Variants in POLDIP3 observed in about 807,000 individuals in gnomAD.
POLDIP3 encodes the protein DNA polymerase delta interacting protein 3.
Under a neutral mutation model 45.1 loss-of-function variants are expected in POLDIP3, and 14 were observed. That is an observed-to-expected ratio of 0.31 (90% CI 0.20 to 0.49). POLDIP3 has a LOEUF of 0.49. Among genes scored for constraint, POLDIP3 ranks in the 20% least tolerant of loss-of-function variants. POLDIP3 has a pLI of 0.99. For synonymous variants in POLDIP3, 223 were observed against 205.2 expected (o/e 1.09, Z -0.74); for missense variants, 511 against 538.8 (o/e 0.95, Z 0.51).
At position 42,595,435 on chromosome 22, in the gene POLDIP3, C is replaced by G. The variant is rs1925925470; in HGVS notation, c.891+102G>C. 1.8e-5 allele frequency: 18 copies of G among 1,005,640 alleles called. 3 individuals are homozygous for G. In the South Asian group the frequency reaches 2.2e-4, roughly 13 times the overall value. 62.3% of individuals were successfully genotyped at this position (1,005,640 alleles called of 1,614,324 possible). A position where few individuals can be genotyped will look rare whatever the true frequency, so the allele number is the denominator to read the frequency against. ...CCCTGAGCGTGACTATATGCTGAGT[C>G]TGGTGAGTCCTAGCAGTCATCAAAC... On this transcript the variant is annotated intron_variant, in intron 6 of 8. Transcript: ENST00000252115.
intron 4 of POLDIP3, chr22:42,597,766 C>G (rs1178428132): frequency 2.2e-6 from 1 of 462,284 alleles, no homozygotes; most frequent in Non-Finnish European, 4.4e-6. Context: ...TGGCATCATT[C>G]AGCTTCACGA....
intron 1 of POLDIP3, among the ~76,000 whole-genome samples, chr22:42,613,751 A>G (rs907923432): frequency 2.6e-5 from 4 of 151,996 alleles, no homozygotes; most frequent in Non-Finnish European, 4.4e-5. Flanking sequence ...ACAGAGCAAC[A>G]CCCCGTCTCA....
At position 42,601,963 on chromosome 22, in the gene POLDIP3, A is replaced by C; in HGVS notation, c.537+7T>G. 6.2e-7 allele frequency: 1 copy of C among 1,612,230 alleles called. No homozygotes were observed. The highest frequency in any genetic ancestry group is 8.5e-7 in the Non-Finnish European group (1 of 1,179,180). On this transcript the variant is annotated splice_region_variant and intron_variant, in intron 3 of 8. Transcript: ENST00000252115. ...TTCTCTCTCTCTCTCTCACTCACTC[A>C]CTCTACCTGTTTGGCCTGGTGGTTA...
At chr22:42,588,567 T>TA (rs919577465) in intron 7 of POLDIP3, among the ~76,000 whole-genome samples, 45 of 145,204 alleles carry the variant, frequency 3.1e-4, no homozygotes, top group East Asian at 1.6e-3. Flanking sequence ...TGAATTCAAA[T>TA]AAAAAAAAAA....
chr22:42,592,222 G>A (rs146421108), intron 6 of POLDIP3, 138 bp from the exon 7 acceptor site: 18 of 1,268,026 alleles, frequency 1.4e-5, no homozygotes, highest in Non-Finnish European at 2.0e-5. Context: ...GAGGCTCCAC[G>A]CGAGGTGGTG....
At chr22:42,591,776 G>A (rs947311798) in intron 7 of POLDIP3, among the ~76,000 whole-genome samples, 179 bp downstream of exon 7, 1 of 152,178 alleles carries the variant, frequency 6.6e-6, no homozygotes, top group African/African-American at 2.4e-5. Context: ...TGAAAATCCA[G>A]GGCCCTGTGT....
chr22:42,598,249 ATTTTTTT>A (rs34265457), intron 4 of POLDIP3, among the ~76,000 whole-genome samples: 5 of 90,842 alleles, frequency 5.5e-5, no homozygotes, highest in East Asian at 2.9e-4. Flanking sequence ...CACCCCGGAT[ATTTTTTT>A]TTTTTTTTTT....
intron 5 of POLDIP3, 118 bp downstream of exon 5, chr22:42,596,068 C>G (rs765282732): frequency 6.0e-6 from 7 of 1,167,020 alleles, no homozygotes; most frequent in Non-Finnish European, 8.6e-6. Flanking sequence ...GTTTGCTCAT[C>G]TGTAGAATGG....
intron 4 of POLDIP3, among the ~76,000 whole-genome samples, chr22:42,597,904 C>T (rs1211241089): frequency 5.9e-5 from 9 of 151,400 alleles, no homozygotes; most frequent in Non-Finnish European, 1.5e-5. Context: ...CTCAGCCTCC[C>T]GAGCAGCTGG....
rs572654489 is a variant in POLDIP3, at chr22:42,586,002, T to C, written c.1089-34A>G. Reference sequence around the variant, plus strand: ...AGCAGAGAAGAGTCAAAAATTCTTGTCAGTTTTTCCTTAGATGGGGAGGGG... The same window carrying C: ...AGCAGAGAAGAGTCAAAAATTCTTGCCAGTTTTTCCTTAGATGGGGAGGGG... On this transcript the variant is annotated intron_variant, in intron 8 of 8. Coordinates refer to ENST00000252115, the MANE Select transcript of POLDIP3 (RefSeq NM_032311.5). 3.9e-6 allele frequency: 6 copies of C among 1,553,262 alleles called. No individual in the cohort carries two copies. The African/African-American group carries it at 4.1e-5, about 11-fold the overall frequency.
intron 2 of POLDIP3, among the ~76,000 whole-genome samples, chr22:42,602,523 C>T (rs973458577): frequency 1.3e-5 from 2 of 152,142 alleles, no homozygotes; most frequent in Admixed American, 6.5e-5. Context: ...ACCAGTATCT[C>T]ACCTGGGAAA....
Position 42,596,270 on chromosome 22 carries a change from G to A in POLDIP3, c.729C>T (p.Ser243=), listed in dbSNP as rs772086042. Residue 243 remains serine, a synonymous_variant, in exon 5 of 9, where the codon TCC becomes TCT. Coordinates refer to ENST00000252115, the MANE Select transcript of POLDIP3 (RefSeq NM_032311.5). The part of the protein sequence containing the change: ...NDAYTAPALP[S]SIRTKALTNM... ...TGGTCAAGGCTTTTGTTCGAATAGAGGAAGGGAGAGCAGGAGCTGTGTATG... is the reference window on the plus strand; with the variant it reads ...TGGTCAAGGCTTTTGTTCGAATAGAAGAAGGGAGAGCAGGAGCTGTGTATG... The A allele has an allele frequency of 1.1e-5, 17 of 1,614,092 alleles. No homozygotes were observed. The South Asian group carries it at 1.6e-4, about 16-fold the overall frequency.
chr22:42,605,126 AGTTTTGTTTT>A (rs201420055), intron 1 of POLDIP3, among the ~76,000 whole-genome samples: 4 of 152,002 alleles, frequency 2.6e-5, no homozygotes, highest in Admixed American at 2.0e-4. Context: ...TCTTTTCTTC[AGTTTTGTTTT>A]GTTTTGTTTG....
chr22:42,614,824 T>G lies in POLDIP3; in HGVS notation c.34A>C (p.Lys12Gln). ...ADISLDELIR[K>Q]RGAAAKGRLN... The stretch of plus-strand genomic sequence containing the variant: ...CGTCCTTTCGCCGCCGCCCCGCGCT[T>G]CCTGATGAGTTCGTCCAGGGAGATG... The change falls in exon 1 of 9, where the codon AAG becomes CAG. Residue 12 changes from lysine (K) to glutamine (Q), a missense_variant. Around this residue, in one of 4 missense-constraint regions of POLDIP3, gnomAD observed 378 missense variants for 352.3 expected, o/e 1.07. Transcript: ENST00000252115. The G allele has an allele frequency of 1.2e-6, 2 of 1,614,046 alleles. No homozygotes were observed. Among genetic ancestry groups the G allele is most frequent in the Non-Finnish European group, 1.7e-6 (2 of 1,179,942 alleles).
intron 1 of POLDIP3, among the ~76,000 whole-genome samples, chr22:42,605,607 G>C (rs567404088): frequency 4.4e-4 from 67 of 152,258 alleles, no homozygotes; most frequent in African/African-American, 1.6e-3. Flanking sequence ...TAAGGCTTAA[G>C]GTTTACTTGG....
At chr22:42,602,466 T>C (rs1175806136) in intron 2 of POLDIP3, among the ~76,000 whole-genome samples, 2 of 152,210 alleles carry the variant, frequency 1.3e-5, no homozygotes, top group Non-Finnish European at 2.9e-5. Context: ...GCCTGCCACA[T>C]AGCATGTGCT....
intron 1 of POLDIP3, among the ~76,000 whole-genome samples, chr22:42,607,552 T>C (rs1323162909): frequency 2.0e-5 from 3 of 150,880 alleles, no homozygotes; most frequent in African/African-American, 7.3e-5. Context: ...GTGAGGAGCG[T>C]CTCTGCCTGG....
In POLDIP3 at chr22:42,596,167, G is replaced by A. The variant is rs776954371; in HGVS notation, c.813+19C>T. 6.2e-7 allele frequency: 1 copy of A among 1,612,882 alleles called. No individual in the cohort carries two copies. Among genetic ancestry groups the A allele is most frequent in the Non-Finnish European group, 8.5e-7 (1 of 1,179,426 alleles). On this transcript the variant is annotated intron_variant, in intron 5 of 8. Coordinates refer to ENST00000252115, the MANE Select transcript of POLDIP3 (RefSeq NM_032311.5). The stretch of plus-strand genomic sequence containing the variant: ...AGCCCTCCTGACCCCAACTGCTGCA[G>A]TCACCACCATCACCTCACCTCAGCA...
intron 1 of POLDIP3, among the ~76,000 whole-genome samples, chr22:42,604,922 G>A (rs1271549848): frequency 6.6e-5 from 10 of 152,146 alleles, no homozygotes; most frequent in Admixed American, 5.2e-4. Flanking sequence ...TAAGTCATGA[G>A]GACAGAGACT....
Sources: allele counts gnomAD v4.1 joint callset (sites outside exome capture counted in the v4.1 genomes callset), GRCh38; gene constraint gnomAD v4.1.1; regional missense constraint gnomAD v4.1.1; transcripts MANE v1.5; gene names NCBI Gene and HGNC (gene_info 2026-07-23, HGNC 2026-07-21).